Variants in CEP112 observed in about 807,000 individuals in gnomAD.
CEP112 encodes centrosomal protein 112.
CEP112 carries 127 observed loss-of-function variants against 153.0 expected under a neutral mutation model. That is an observed-to-expected ratio of 0.83 (90% CI 0.72 to 0.96). The LOEUF (loss-of-function observed/expected upper bound fraction) is 0.96. Ranked by LOEUF, CEP112 falls within the 40% of genes least tolerant of loss-of-function variation. CEP112 has a pLI of 0.00. For synonymous variants in CEP112, 358 were observed against 374.4 expected, an observed-to-expected ratio of 0.96 and a Z score of 0.51; for missense variants, 1,089 against 1,101.2, an observed-to-expected ratio of 0.99 and a Z score of 0.16.
At chr17:66,179,985 C>G (rs2072649773) in intron 2 of CEP112, among the ~76,000 whole-genome samples, 1 of 152,094 alleles carries the variant, frequency 6.6e-6, no homozygotes, top group African/African-American at 2.4e-5. Context: ...TGATTTATCA[C>G]ATGGATTGAT....
intron 17 of CEP112, among the ~76,000 whole-genome samples, chr17:66,002,488 T>G (rs11652509): frequency 0.41 from 62,550 of 151,880 alleles, 14,327 homozygotes; most frequent in East Asian, 0.87. Context: ...AAAGACAGCT[T>G]GGAAATAGAA....
chr17:65,968,289 T>A (rs1025416942), intron 17 of CEP112, among the ~76,000 whole-genome samples: 1 of 152,144 alleles, frequency 6.6e-6, no homozygotes, highest in African/African-American at 2.4e-5. Flanking sequence ...GAAATATTTA[T>A]TTCCTTCAAA....
At chr17:66,146,000 A>G (rs2070901836) in intron 4 of CEP112, among the ~76,000 whole-genome samples, 1 of 152,062 alleles carries the variant, frequency 6.6e-6, no homozygotes. Flanking sequence ...TTATTTCCAT[A>G]TATTAATAGA....
At chr17:66,142,750 T>C (rs560914891) in intron 4 of CEP112, among the ~76,000 whole-genome samples, 3 of 152,322 alleles carry the variant, frequency 2.0e-5, no homozygotes, top group Non-Finnish European at 4.4e-5. Context: ...TCAATTACTA[T>C]AGATTTGTAA....
chr17:65,950,245 C>A (rs531055119), intron 18 of CEP112, among the ~76,000 whole-genome samples: 3 of 152,060 alleles, frequency 2.0e-5, no homozygotes, highest in African/African-American at 7.2e-5. Context: ...ATAAAGATTT[C>A]TTACTGTCAA....
intron 21 of CEP112, among the ~76,000 whole-genome samples, chr17:65,771,501 G>T (rs1324572351): frequency 1.3e-5 from 2 of 152,148 alleles, no homozygotes; most frequent in African/African-American, 4.8e-5. Flanking sequence ...CCGTATTAGT[G>T]AGGATATAGA....
chr17:65,650,648 C>A (rs1423234047), intron 24 of CEP112, among the ~76,000 whole-genome samples: 1 of 149,008 alleles, frequency 6.7e-6, no homozygotes, highest in Non-Finnish European at 1.5e-5. Flanking sequence ...GTAATCCCAG[C>A]ACTTTGGGAG....
chr17:65,768,648 T>A (rs914225448), intron 21 of CEP112, among the ~76,000 whole-genome samples: 2 of 140,080 alleles, frequency 1.4e-5, no homozygotes, highest in African/African-American at 5.7e-5. Flanking sequence ...TGGTTTAATA[T>A]ACACAAATCA....
intron 20 of CEP112, among the ~76,000 whole-genome samples, chr17:65,895,104 T>C (rs1302868820): frequency 6.6e-6 from 1 of 152,122 alleles, no homozygotes; most frequent in Non-Finnish European, 1.5e-5. Context: ...AGCAGGCATA[T>C]GGGGTAGAGG....
intron 17 of CEP112, among the ~76,000 whole-genome samples, chr17:65,990,007 C>G (rs2063539769): frequency 6.6e-6 from 1 of 151,834 alleles, no homozygotes; most frequent in African/African-American, 2.4e-5. Context: ...ATAGTAACCA[C>G]AATGCAAAAA....
chr17:66,135,386 T>A (rs140100993), intron 4 of CEP112, among the ~76,000 whole-genome samples: 3 of 152,194 alleles, frequency 2.0e-5, no homozygotes, highest in Non-Finnish European at 4.4e-5. Context: ...ATGGCACTAG[T>A]GGTCTGAGTG....
At chr17:66,181,220 C>A (rs982938863) in intron 2 of CEP112, among the ~76,000 whole-genome samples, 8 of 152,036 alleles carry the variant, frequency 5.3e-5, no homozygotes. Context: ...ATTTCTAGTT[C>A]TTGTTTAAGA....
intron 21 of CEP112, chr17:65,826,494 T>C: frequency 7.0e-7 from 1 of 1,431,752 alleles, no homozygotes; most frequent in Non-Finnish European, 9.1e-7. Context: ...TGAGGTGAGA[T>C]AGTGACATCA....
At chr17:65,806,751 C>T (rs1397345668) in intron 21 of CEP112, among the ~76,000 whole-genome samples, 1 of 152,172 alleles carries the variant, frequency 6.6e-6, no homozygotes, top group Non-Finnish European at 1.5e-5. Context: ...TGTAAGTTTC[C>T]TGGGGCCTCC....
At chr17:65,992,767 T>C (rs1262932791) in intron 17 of CEP112, among the ~76,000 whole-genome samples, 1 of 152,192 alleles carries the variant, frequency 6.6e-6, no homozygotes, top group African/African-American at 2.4e-5. Context: ...ATTCCTCACT[T>C]TGGCAATCTT....
intron 21 of CEP112, among the ~76,000 whole-genome samples, chr17:65,757,072 C>G (rs1167113659): frequency 6.6e-6 from 1 of 152,148 alleles, no homozygotes; most frequent in Non-Finnish European, 1.5e-5. Context: ...CTTTCTCTGC[C>G]TGTCTCTCTG....
intron 8 of CEP112, among the ~76,000 whole-genome samples, chr17:66,077,848 G>A (rs1568465274): frequency 6.6e-6 from 1 of 152,162 alleles, no homozygotes; most frequent in Non-Finnish European, 1.5e-5. Flanking sequence ...TGTTTACCCT[G>A]CTGACTGTTC....
intron 24 of CEP112, among the ~76,000 whole-genome samples, chr17:65,675,965 C>T (rs1342025232): frequency 6.6e-6 from 1 of 152,098 alleles, no homozygotes; most frequent in Non-Finnish European, 1.5e-5. Context: ...AAATTCCTTA[C>T]TGTGATGAAG....
chr17:66,120,428 T>C (rs755910253), intron 6 of CEP112, among the ~76,000 whole-genome samples: 2 of 152,168 alleles, frequency 1.3e-5, no homozygotes, highest in Non-Finnish European at 2.9e-5. Context: ...CTCGAACTCC[T>C]GGCCTCAGGT....
Sources: allele counts gnomAD v4.1 joint callset (sites outside exome capture counted in the v4.1 genomes callset), GRCh38; gene constraint gnomAD v4.1.1; transcripts MANE v1.5; gene names NCBI Gene and HGNC (gene_info 2026-07-23, HGNC 2026-07-21).